Variants in CDC25A observed in about 807,000 individuals in gnomAD.
The protein encoded by CDC25A is M-phase inducer phosphatase 1.
Under a neutral mutation model 64.6 loss-of-function variants are expected in CDC25A, and 17 were observed. That is an observed-to-expected ratio of 0.26 (90% confidence interval 0.18 to 0.39). The LOEUF (loss-of-function observed/expected upper bound fraction) is 0.39. Among genes scored for constraint, CDC25A ranks in the 10% least tolerant of loss-of-function variants. CDC25A has a pLI of 1.00. For missense variants in CDC25A, 473 were observed against 654.8 expected, an observed-to-expected ratio of 0.72 and a Z score of 3.03; for synonymous variants, 229 against 238.6, an observed-to-expected ratio of 0.96 and a Z score of 0.37.
chr3:48,159,287 A>C, intron 14 of CDC25A, 57 bp downstream of exon 14: 2 of 1,377,508 alleles, frequency 1.5e-6, no homozygotes, highest in South Asian at 2.4e-5. Flanking sequence ...AGACAGATCC[A>C]TTAGTCTACC....
chr3:48,167,395 T>C (rs1454107722), intron 10 of CDC25A, among the ~76,000 whole-genome samples: 1 of 152,208 alleles, frequency 6.6e-6, no homozygotes, highest in Non-Finnish European at 1.5e-5. Flanking sequence ...GATCTTCCTC[T>C]AGACTTCCTG....
chr3:48,165,833 T>C lies in CDC25A; in HGVS notation c.1090A>G (p.Ile364Val), dbSNP rs1249755586. 6.2e-7 allele frequency: 1 copy of C among 1,609,090 alleles called. No homozygotes were observed. Among genetic ancestry groups the C allele is most frequent in the Non-Finnish European group, 8.5e-7 (1 of 1,175,384 alleles). Reference sequence around the variant, plus strand: ...GGGTTTCAAAAGGATGGACTTACAATTTCTGGAGAGATGTATTTTAAATCC... The same window carrying C: ...GGGTTTCAAAAGGATGGACTTACAACTTCTGGAGAGATGTATTTTAAATCC... ...HQDLKYISPE[I>V]MASVLNGKFA... The change falls in exon 11 of 15, where the codon ATT becomes GTT. Residue 364 changes from isoleucine (I) to valine (V), a missense_variant and splice_region_variant. This residue lies in a region of CDC25A where 97 missense variants were observed against 223.0 expected (regional missense o/e 0.43). Coordinates refer to ENST00000302506, the MANE Select transcript of CDC25A (RefSeq NM_001789.3).
intron 10 of CDC25A, among the ~76,000 whole-genome samples, chr3:48,167,632 C>T (rs1278281133): frequency 1.3e-5 from 2 of 152,246 alleles, no homozygotes; most frequent in African/African-American, 4.8e-5. Flanking sequence ...CTACCTAAAA[C>T]TGCCCATCAG....
In CDC25A at chr3:48,188,073, T is replaced by C. The variant is rs2032915951; in HGVS notation, c.-126A>G. On this transcript the variant is annotated 5_prime_UTR_variant, in exon 1 of 15. Transcript: ENST00000302506. ...CCCGCGGGTCAAACACAAACACGAC[T>C]CCGCGGTTCAGGGACGCGGCTGCCG... The C allele has an allele frequency of 2.6e-6, 2 of 761,742 alleles. No individual in the cohort carries two copies. The highest frequency in any genetic ancestry group is 3.6e-6 in the Non-Finnish European group (2 of 560,102). 47.2% of individuals were successfully genotyped at this position (761,742 alleles called of 1,614,324 possible). A position where few individuals can be genotyped will look rare whatever the true frequency, so the allele number is the denominator to read the frequency against.
intron 9 of CDC25A, among the ~76,000 whole-genome samples, chr3:48,170,264 G>A (rs1435826757): frequency 1.3e-5 from 2 of 152,018 alleles, no homozygotes; most frequent in African/African-American, 2.4e-5. Context: ...CCTGCAGAGC[G>A]TCAGATCAGG....
At chr3:48,168,352 G>C (rs993688737) in intron 9 of CDC25A, among the ~76,000 whole-genome samples, 1 of 101,980 alleles carries the variant, frequency 9.8e-6, no homozygotes, top group Non-Finnish European at 1.9e-5. Context: ...CAAAGAGCAA[G>C]ACCCTGTCCA....
At chr3:48,165,098 A>C (rs1245450856) in intron 12 of CDC25A, among the ~76,000 whole-genome samples, 1 of 125,686 alleles carries the variant, frequency 8.0e-6, no homozygotes, top group Non-Finnish European at 1.6e-5. Flanking sequence ...GACAGAGCGG[A>C]CTCTGTCTCA....
intron 9 of CDC25A, among the ~76,000 whole-genome samples, chr3:48,171,068 G>A (rs947018414): frequency 4.6e-5 from 7 of 151,916 alleles, no homozygotes; most frequent in African/African-American, 1.7e-4. Context: ...TCTCTATTAC[G>A]GTAAAAGAAA....
intron 12 of CDC25A, among the ~76,000 whole-genome samples, chr3:48,164,783 C>T (rs1417160042): frequency 1.3e-5 from 2 of 152,098 alleles, no homozygotes; most frequent in Non-Finnish European, 2.9e-5. Context: ...TACCTCCTTA[C>T]TATATTTAAA....
intron 9 of CDC25A, among the ~76,000 whole-genome samples, chr3:48,173,196 C>T (rs1207117003): frequency 5.3e-5 from 7 of 132,962 alleles, no homozygotes; most frequent in African/African-American, 8.8e-5. Context: ...CCAGCCTGGG[C>T]GACAGAGCGT....
At chr3:48,176,531 G>GTATACATATATATATATATATA (rs2032464831) in intron 8 of CDC25A, among the ~76,000 whole-genome samples, 1 of 138,122 alleles carries the variant, frequency 7.2e-6, no homozygotes, top group East Asian at 2.0e-4. Context: ...GTGTGTGTGA[G>GTATACATATATATATATATATA]TATATATATA....
In CDC25A at chr3:48,172,406, G is replaced by A. The variant is rs577226696; in HGVS notation, c.930+1878C>T. On this transcript the variant is annotated intron_variant, in intron 9 of 14. Coordinates refer to ENST00000302506, the MANE Select transcript of CDC25A (RefSeq NM_001789.3). ...ACCTTTTCATGCCACAGAAAACACAGGTAGTTCACCATTTTATAATGCTTA... is the reference window on the plus strand; with the variant it reads ...ACCTTTTCATGCCACAGAAAACACAAGTAGTTCACCATTTTATAATGCTTA... Among the ~76,000 whole-genome samples the A allele has an allele frequency of 1.4e-3, 220 of 152,242 alleles. 1 individual carries two copies. Among genetic ancestry groups the A allele is most frequent in the Non-Finnish European group, 1.2e-3 (79 of 68,024 alleles).
intron 6 of CDC25A, chr3:48,180,442 T>A: frequency 3.4e-6 from 1 of 293,210 alleles, no homozygotes; most frequent in Non-Finnish European, 6.2e-6. Flanking sequence ...AATCCCACCA[T>A]ACATACATTT....
chr3:48,185,795 T>C (rs2032824709), intron 2 of CDC25A, among the ~76,000 whole-genome samples: 1 of 152,182 alleles, frequency 6.6e-6, no homozygotes, highest in Admixed American at 6.5e-5. Flanking sequence ...CACCCACCCA[T>C]AGCTCATGTG....
chr3:48,182,211 T>C (rs544102515), intron 5 of CDC25A, among the ~76,000 whole-genome samples: 22 of 152,026 alleles, frequency 1.4e-4, no homozygotes, highest in Non-Finnish European at 2.6e-4. Context: ...ATCAGGAGAG[T>C]TCATGGAGGC....
chr3:48,172,063 G>T (rs556021141), intron 9 of CDC25A, among the ~76,000 whole-genome samples: 1 of 152,266 alleles, frequency 6.6e-6, no homozygotes, highest in South Asian at 2.1e-4. Flanking sequence ...CAGCTGCTAG[G>T]GGGGCTGAGG....
At chr3:48,162,077 A>T (rs1007168108) in intron 13 of CDC25A, among the ~76,000 whole-genome samples, 3 of 152,132 alleles carry the variant, frequency 2.0e-5, no homozygotes, top group Admixed American at 1.3e-4. Context: ...ACAAACAAAA[A>T]AACTGCTGAG....
At chr3:48,179,211 G>A (rs1238356093) in intron 6 of CDC25A, among the ~76,000 whole-genome samples, 1 of 152,222 alleles carries the variant, frequency 6.6e-6, no homozygotes, top group South Asian at 2.1e-4. Context: ...TTTATTATGG[G>A]GCAGTACCTT....
intron 9 of CDC25A, 51 bp from the exon 10 acceptor site, chr3:48,167,995 C>G (rs767623713): frequency 3.6e-6 from 4 of 1,113,214 alleles, no homozygotes; most frequent in Non-Finnish European, 5.5e-6. Flanking sequence ...AATGGAACTT[C>G]CGAAAACATT....
Sources: gnomAD v4.1 joint callset for allele counts (sites outside exome capture counted in the v4.1 genomes callset) on GRCh38, gnomAD v4.1.1 for gene constraint, gnomAD v4.1.1 regional missense constraint, MANE v1.5 for transcripts, NCBI Gene and HGNC (gene_info 2026-07-23, HGNC 2026-07-21) for gene names.